The following LRRC4C variants were observed in gnomAD, a reference collection of about 807,000 sequenced individuals.
The protein encoded by LRRC4C is leucine-rich repeat-containing protein 4C.
A neutral mutation model predicts 33.6 loss-of-function variants in LRRC4C; 5 were observed. That is an observed-to-expected ratio of 0.15 (90% CI 0.08 to 0.31). The LOEUF (loss-of-function observed/expected upper bound fraction) is 0.31, where lower values mean the gene tolerates loss of function less well. Among genes scored for constraint, LRRC4C ranks in the 10% least tolerant of loss-of-function variants. The pLI is 1.00. For synonymous variants in LRRC4C, 329 were observed against 302.0 expected, an observed-to-expected ratio of 1.09 and a Z score of -0.93; for missense variants, 560 against 796.7, an observed-to-expected ratio of 0.70 and a Z score of 3.58.
At chr11:41,085,260 GA>G (rs1470409710) in intron 1 of LRRC4C, among the ~76,000 whole-genome samples, 2 of 151,856 alleles carry the variant, frequency 1.3e-5, no homozygotes, top group East Asian at 1.9e-4. Flanking sequence ...TTTGGAGCAG[GA>G]AAAAAAGTAA....
At chr11:40,590,736 C>T (rs1410907542) in intron 3 of LRRC4C, among the ~76,000 whole-genome samples, 3 of 152,100 alleles carry the variant, frequency 2.0e-5, no homozygotes, top group Non-Finnish European at 4.4e-5. Flanking sequence ...AGTACCCTGC[C>T]ATGTGAGGTG....
chr11:40,576,022 T>C (rs1401069495), intron 3 of LRRC4C, among the ~76,000 whole-genome samples: 2 of 152,238 alleles, frequency 1.3e-5, no homozygotes, highest in African/African-American at 2.4e-5. Flanking sequence ...CTCATTTTCT[T>C]TTATTATCTT....
intron 3 of LRRC4C, among the ~76,000 whole-genome samples, chr11:40,538,662 G>C (rs1591041916): frequency 6.6e-6 from 1 of 152,124 alleles, no homozygotes; most frequent in East Asian, 1.9e-4. Context: ...TGGGATAGCT[G>C]GGTCAAATAG....
chr11:40,491,146 G>A lies in LRRC4C; in HGVS notation c.-270+156996C>T, dbSNP rs995806676. 2.6e-5 allele frequency among the ~76,000 whole-genome samples: 4 copies of A among 152,148 alleles called. No individual in the cohort carries two copies. In the East Asian group the frequency reaches 5.8e-4, roughly 22 times the overall value. On this transcript the variant is annotated intron_variant, in intron 3 of 6. Transcript: ENST00000528697. ...AAAAATACAAAAAAATTAGCTGGAC[G>A]TGATGGCAGACACCTGTAACCCCAG...
At chr11:41,330,639 C>T (rs186735132) in intron 1 of LRRC4C, among the ~76,000 whole-genome samples, 38 of 152,224 alleles carry the variant, frequency 2.5e-4, no homozygotes, top group African/African-American at 9.1e-4. Flanking sequence ...GTGGTGCAAT[C>T]TTGCTCACTG....
chr11:41,018,533 T>C (rs1007987392), intron 1 of LRRC4C, among the ~76,000 whole-genome samples: 14 of 152,308 alleles, frequency 9.2e-5, no homozygotes, highest in Non-Finnish European at 2.1e-4. Context: ...TTTGTCGGCA[T>C]CTTCATTTTA....
chr11:40,498,967 T>C (rs1954608155), intron 3 of LRRC4C, among the ~76,000 whole-genome samples: 3 of 152,176 alleles, frequency 2.0e-5, no homozygotes, highest in Non-Finnish European at 4.4e-5. Context: ...ATTAGAATTG[T>C]TCCTTTCCTC....
intron 1 of LRRC4C, among the ~76,000 whole-genome samples, chr11:41,347,956 G>A (rs1385141860): frequency 6.6e-6 from 1 of 152,318 alleles, no homozygotes; most frequent in East Asian, 1.9e-4. Context: ...GGACATAAGA[G>A]TAGCTTATGG....
intron 5 of LRRC4C, among the ~76,000 whole-genome samples, chr11:40,152,367 G>C (rs984511440): frequency 6.6e-6 from 1 of 152,164 alleles, no homozygotes; most frequent in Non-Finnish European, 1.5e-5. Flanking sequence ...AGGGTGGCAG[G>C]GGGTAAAACT....
rs544537818 is a variant in LRRC4C, at chr11:40,502,633, C to T, written c.-270+145509G>A. On this transcript the variant is annotated intron_variant, in intron 3 of 6. Coordinates refer to ENST00000528697, the MANE Select transcript of LRRC4C (RefSeq NM_001258419.2). ...ACGATTCAATTATCTCCCACCTGGT[C>T]CCTCCCACAACACGTGAGAATTATG... 2.6e-5 allele frequency among the ~76,000 whole-genome samples: 4 copies of T among 152,218 alleles called. 1 individual carries two copies. In the East Asian group the frequency reaches 5.8e-4, roughly 22 times the overall value.
At chr11:40,286,106 A>C (rs1377103) in intron 4 of LRRC4C, among the ~76,000 whole-genome samples, 69,078 of 152,012 alleles carry the variant, frequency 0.45, 16,103 homozygotes, top group Admixed American at 0.53. Flanking sequence ...CCGTGATCCC[A>C]AGTGGATGCC....
intron 4 of LRRC4C, among the ~76,000 whole-genome samples, chr11:40,296,472 A>T (rs1186913608): frequency 6.6e-6 from 1 of 152,192 alleles, no homozygotes; most frequent in African/African-American, 2.4e-5. Context: ...TTGAACCCAG[A>T]TCTACTCAAT....
At chr11:40,175,519 GA>G (rs1226263101) in intron 5 of LRRC4C, among the ~76,000 whole-genome samples, 2 of 152,140 alleles carry the variant, frequency 1.3e-5, no homozygotes, top group African/African-American at 4.8e-5. Flanking sequence ...AAGAATGCTG[GA>G]GACTGTCTCA....
chr11:41,057,821 C>T (rs144438937), intron 1 of LRRC4C, among the ~76,000 whole-genome samples: 30 of 152,256 alleles, frequency 2.0e-4, no homozygotes, highest in African/African-American at 5.3e-4. Flanking sequence ...AAGGAGCTAC[C>T]GTCTCTGCTC....
chr11:40,140,388 G>T (rs905678312), intron 6 of LRRC4C, among the ~76,000 whole-genome samples: 2 of 152,072 alleles, frequency 1.3e-5, no homozygotes, highest in African/African-American at 4.8e-5. Flanking sequence ...CAGAAATATT[G>T]CCATGGGAGA....
At chr11:40,894,017 T>C (rs1448620943) in intron 2 of LRRC4C, among the ~76,000 whole-genome samples, 1 of 152,112 alleles carries the variant, frequency 6.6e-6, no homozygotes, top group African/African-American at 2.4e-5. Flanking sequence ...CTGCATGTTT[T>C]TGACAAATTA....
chr11:40,673,611 T>TTCTGA (rs1341706276), intron 2 of LRRC4C, among the ~76,000 whole-genome samples: 2 of 152,226 alleles, frequency 1.3e-5, no homozygotes, highest in Admixed American at 6.5e-5. Context: ...CTTTATACAG[T>TTCTGA]AGTTCACAAG....
chr11:40,347,129 T>C, intron 3 of LRRC4C, among the ~76,000 whole-genome samples: 1 of 152,238 alleles, frequency 6.6e-6, no homozygotes, highest in Admixed American at 6.5e-5. Context: ...GTTTGTCTAC[T>C]TGGACAATTT....
chr11:41,192,121 G>T (rs560761293), intron 1 of LRRC4C, among the ~76,000 whole-genome samples: 2 of 152,138 alleles, frequency 1.3e-5, no homozygotes, highest in South Asian at 4.1e-4. Context: ...GTCTTCTGTG[G>T]CTATTAATCT....
Sources: allele counts gnomAD v4.1 joint callset (sites outside exome capture counted in the v4.1 genomes callset), GRCh38; gene constraint gnomAD v4.1.1; transcripts MANE v1.5; gene names NCBI Gene and HGNC (gene_info 2026-07-23, HGNC 2026-07-21).